The following GLMN variants were observed in gnomAD, a reference collection of about 807,000 sequenced individuals.
GLMN encodes glomulin, FKBP associated protein.
Under a neutral mutation model 87.8 loss-of-function variants are expected in GLMN, and 75 were observed. The observed-to-expected ratio is 0.85, with a 90% CI of 0.71 to 1.04. GLMN has a LOEUF of 1.04. Ranked by LOEUF, GLMN falls within the 50% of genes least tolerant of loss-of-function variation. The probability of loss-of-function intolerance (pLI) is 0.00; values close to 1 mark genes in which losing one functional copy is unlikely to be tolerated. For missense variants in GLMN, 588 were observed against 658.8 expected (o/e 0.89, Z 1.18); for synonymous variants, 206 against 221.6 (o/e 0.93, Z 0.63).
the GLMN span, chr1:92,323,616 A>G: frequency 1.9e-6 from 3 of 1,614,110 alleles, no homozygotes; most frequent in South Asian, 2.2e-5. Context: ...CAGGAAACAG[A>G]CCAAATTCAA....
chr1:92,297,317 T>C, intron 3 of GLMN, 87 bp downstream of exon 3: 1 of 1,544,282 alleles, frequency 6.5e-7, no homozygotes, highest in South Asian at 1.1e-5. Context: ...GATTCTTAAA[T>C]GTTTGATGGA....
At chr1:92,296,577 T>C (rs1347457863) in intron 3 of GLMN, among the ~76,000 whole-genome samples, 1 of 152,186 alleles carries the variant, frequency 6.6e-6, no homozygotes, top group African/African-American at 2.4e-5. Flanking sequence ...ACAGGGATTA[T>C]TACAATTCAA....
the GLMN span, among the ~76,000 whole-genome samples, chr1:92,314,188 CCAGTCT>C: frequency 6.6e-6 from 1 of 152,156 alleles, no homozygotes; most frequent in Non-Finnish European, 1.5e-5. Context: ...TAGCTTTTGG[CCAGTCT>C]CAGCTTTTGA....
intron 4 of GLMN, 124 bp from the exon 5 acceptor site, chr1:92,290,430 A>G: frequency 7.4e-6 from 5 of 672,038 alleles, no homozygotes; most frequent in Non-Finnish European, 1.3e-5. Flanking sequence ...TTAACATTAA[A>G]ATTATTTATA....
chr1:92,367,696 T>C, the GLMN span, among the ~76,000 whole-genome samples: 3 of 152,286 alleles, frequency 2.0e-5, no homozygotes, highest in Non-Finnish European at 2.9e-5. Context: ...GTGTGTGGCC[T>C]TTCACTTCCT....
upstream of GLMN, chr1:92,299,186 G>T (rs1375708799): frequency 1.6e-6 from 2 of 1,283,120 alleles, no homozygotes; most frequent in East Asian, 2.8e-5. Context: ...GACCCTGAAA[G>T]CTGGGCCCCG....
At chr1:92,262,227 T>G (rs995567542) in intron 16 of GLMN, among the ~76,000 whole-genome samples, 4 of 152,198 alleles carry the variant, frequency 2.6e-5, no homozygotes, top group Non-Finnish European at 5.9e-5. Flanking sequence ...ATTCAGGTAG[T>G]TCTAGCTAAT....
chr1:92,297,669 C>T (rs1027709048), intron 2 of GLMN, 140 bp from the exon 3 acceptor site: 13 of 758,844 alleles, frequency 1.7e-5, no homozygotes, highest in South Asian at 6.7e-5. Context: ...AAATAACACA[C>T]GTATCAAAAT....
chr1:92,288,024 AG>A (rs1469616797), intron 6 of GLMN, among the ~76,000 whole-genome samples: 3 of 149,156 alleles, frequency 2.0e-5, no homozygotes, highest in Non-Finnish European at 4.4e-5. Flanking sequence ...ATAAAAATTG[AG>A]GTATTTTACT....
the GLMN span, chr1:92,320,668 T>C: frequency 4.5e-6 from 7 of 1,550,418 alleles, no homozygotes; most frequent in Admixed American, 8.4e-5. Context: ...ACCATTTATA[T>C]ATTTATGTTA....
At chr1:92,267,470 G>A (rs988021632) in intron 11 of GLMN, among the ~76,000 whole-genome samples, 3 of 152,138 alleles carry the variant, frequency 2.0e-5, no homozygotes, top group African/African-American at 7.2e-5. Flanking sequence ...TTGGGGGGCT[G>A]AGGCAGGCTG....
At chr1:92,342,675 G>A in the GLMN span, among the ~76,000 whole-genome samples, 1 of 152,210 alleles carries the variant, frequency 6.6e-6, no homozygotes, top group Non-Finnish European at 1.5e-5. Flanking sequence ...TGTGACTGAA[G>A]AGAAAGCAGT....
chr1:92,333,775 A>G, the GLMN span, among the ~76,000 whole-genome samples: 1 of 152,198 alleles, frequency 6.6e-6, no homozygotes, highest in Non-Finnish European at 1.5e-5. Flanking sequence ...TATCAAAGCT[A>G]GACCCATTTA....
chr1:92,362,930 C>T, the GLMN span, among the ~76,000 whole-genome samples: 1 of 152,100 alleles, frequency 6.6e-6, no homozygotes, highest in Non-Finnish European at 1.5e-5. Flanking sequence ...ACAACTTTTA[C>T]ATGCTCCAAA....
At chr1:92,344,354 G>A in the GLMN span, among the ~76,000 whole-genome samples, 2 of 152,150 alleles carry the variant, frequency 1.3e-5, no homozygotes, top group African/African-American at 4.8e-5. Context: ...GCAGTGAGCT[G>A]AGAGCATGCC....
the GLMN span, among the ~76,000 whole-genome samples, chr1:92,350,892 A>C: frequency 6.6e-6 from 1 of 152,164 alleles, no homozygotes; most frequent in African/African-American, 2.4e-5. Context: ...AGATGGCACC[A>C]CTGCACTCCA....
intron 7 of GLMN, among the ~76,000 whole-genome samples, chr1:92,282,600 C>T (rs1426872769): frequency 6.6e-6 from 1 of 152,008 alleles, no homozygotes; most frequent in Non-Finnish European, 1.5e-5. Flanking sequence ...CAAAAGCTAG[C>T]AGAAGGCAAG....
chr1:92,329,308 G>A, the GLMN span, among the ~76,000 whole-genome samples: 1 of 152,188 alleles, frequency 6.6e-6, no homozygotes, highest in Non-Finnish European at 1.5e-5. Context: ...CAGGCCAATG[G>A]AGTTATGTTC....
chr1:92,260,127 G>A (rs916749041), intron 16 of GLMN, among the ~76,000 whole-genome samples: 1 of 152,074 alleles, frequency 6.6e-6, no homozygotes, highest in East Asian at 1.9e-4. Context: ...CTCAGTTATT[G>A]ACACGACCTA....
Sources: gnomAD v4.1 joint callset for allele counts (sites outside exome capture counted in the v4.1 genomes callset) on GRCh38, gnomAD v4.1.1 for gene constraint, MANE v1.5 for transcripts, NCBI Gene and HGNC (gene_info 2026-07-23, HGNC 2026-07-21) for gene names.